Variants in POLA1 observed in about 807,000 individuals in gnomAD.
POLA1 encodes DNA polymerase alpha 1, catalytic subunit.
A neutral mutation model predicts 124.0 loss-of-function variants in POLA1; 15 were observed. The ratio of observed to expected loss-of-function variants is 0.12; its 90% CI spans 0.08 to 0.19. The LOEUF (loss-of-function observed/expected upper bound fraction) is 0.19, where lower values mean the gene tolerates loss of function less well. POLA1 is among the 10% of genes least tolerant of loss of function. The pLI, the probability that POLA1 is intolerant of heterozygous loss-of-function variation, is 1.00. For synonymous variants in POLA1, 408 were observed against 389.4 expected (o/e 1.05, Z -0.56); for missense variants, 886 against 1,103.4 (o/e 0.80, Z 2.79).
intron 36 of POLA1, among the ~76,000 whole-genome samples, chrX:24,943,968 A>G (rs966782387): frequency 2.7e-5 from 3 of 112,055 alleles, no homozygotes; most frequent in Admixed American, 1.9e-4. Flanking sequence ...ACAAGAGACA[A>G]TCAAAGACAC....
intron 26 of POLA1, among the ~76,000 whole-genome samples, chrX:24,774,890 G>C (rs949069171): frequency 8.9e-6 from 1 of 112,082 alleles, no homozygotes; most frequent in African/African-American, 3.2e-5. Flanking sequence ...TTAGTGACAC[G>C]TAGTATACAA....
intron 26 of POLA1, among the ~76,000 whole-genome samples, chrX:24,766,703 G>A (rs781072529): frequency 3.0e-4 from 33 of 111,737 alleles, no homozygotes; most frequent in Non-Finnish European, 6.2e-4. Context: ...TTTATCAGCT[G>A]TGGGCTCCTT....
chrX:24,833,495 G>T (rs975455807), intron 32 of POLA1, among the ~76,000 whole-genome samples: 2 of 111,867 alleles, frequency 1.8e-5, no homozygotes, highest in Admixed American at 1.9e-4. Flanking sequence ...CATAATGGTT[G>T]TACTAGTTTA....
chrX:24,704,899 T>G (rs1159191786), intron 4 of POLA1, among the ~76,000 whole-genome samples: 2 of 112,407 alleles, frequency 1.8e-5, no homozygotes, highest in South Asian at 3.6e-4. Flanking sequence ...AATTGAAATT[T>G]AAAATAATAT....
At chrX:24,873,499 A>G (rs1273996633) in intron 34 of POLA1, among the ~76,000 whole-genome samples, 1 of 112,056 alleles carries the variant, frequency 8.9e-6, no homozygotes, top group East Asian at 2.8e-4. Flanking sequence ...TTAGATTATT[A>G]CTATCATATA....
intron 35 of POLA1, among the ~76,000 whole-genome samples, chrX:24,918,059 A>G (rs1434197709): frequency 9.0e-6 from 1 of 110,617 alleles, no homozygotes; most frequent in Non-Finnish European, 1.9e-5. Flanking sequence ...ACTATTTTAT[A>G]TCTATTATCA....
chrX:24,987,706 A>G (rs2048494348), intron 36 of POLA1, among the ~76,000 whole-genome samples: 1 of 111,912 alleles, frequency 8.9e-6, no homozygotes, highest in African/African-American at 3.3e-5. Context: ...CCCTACCCGC[A>G]AACAAATACG....
rs1255967388 is a variant in POLA1, at chrX:24,838,202, T to C, written c.3737-3450T>C. ...CTATGATGTTACTTTCTATAAATAC[T>C]TCTTGAAACATGAGAGTTTTGATCC... On this transcript the variant is annotated intron_variant, in intron 32 of 36. Transcript: ENST00000379068. Among the ~76,000 whole-genome samples, 3 of 111,944 alleles carry C rather than the reference T, an allele frequency of 2.7e-5. No individual in the cohort carries two copies. The South Asian group carries it at 1.1e-3, about 42-fold the overall frequency.
At chrX:24,980,097 A>G (rs987461064) in intron 36 of POLA1, among the ~76,000 whole-genome samples, 4 of 109,885 alleles carry the variant, frequency 3.6e-5, no homozygotes, top group Non-Finnish European at 5.7e-5. Context: ...GAGATGGGGG[A>G]GAGAGAGAGA....
At chrX:24,842,748 A>C (rs2046424962) in intron 33 of POLA1, among the ~76,000 whole-genome samples, 1 of 111,643 alleles carries the variant, frequency 9.0e-6, no homozygotes, top group Non-Finnish European at 1.9e-5. Context: ...GCCGATGTCA[A>C]GCTCTGAAAT....
At chrX:24,764,668 G>C (rs1349534221) in intron 26 of POLA1, among the ~76,000 whole-genome samples, 2 of 111,996 alleles carry the variant, frequency 1.8e-5, no homozygotes, top group Non-Finnish European at 3.8e-5. Flanking sequence ...AAAGTAGTGG[G>C]TACAAAATGG....
intron 35 of POLA1, among the ~76,000 whole-genome samples, chrX:24,905,749 G>A (rs369715083): frequency 9.0e-6 from 1 of 111,049 alleles, no homozygotes; most frequent in South Asian, 3.8e-4. Context: ...TTTTAGTAGA[G>A]ACGGGGTTTT....
At chrX:24,883,054 T>A (rs748387646) in intron 34 of POLA1, among the ~76,000 whole-genome samples, 1 of 111,936 alleles carries the variant, frequency 8.9e-6, no homozygotes, top group South Asian at 3.8e-4. Flanking sequence ...CTGACTAGTG[T>A]GAGATGGTAT....
chrX:24,777,855 A>T (rs977283505), intron 26 of POLA1, among the ~76,000 whole-genome samples: 6 of 112,263 alleles, frequency 5.3e-5, no homozygotes, highest in African/African-American at 1.9e-4. Flanking sequence ...AAGTGTGGGC[A>T]GGTAATCACT....
intron 15 of POLA1, among the ~76,000 whole-genome samples, chrX:24,731,199 T>C (rs1930885544): frequency 9.0e-6 from 1 of 111,659 alleles, no homozygotes; most frequent in African/African-American, 3.3e-5. Flanking sequence ...TTATAGACAG[T>C]ATGGAGACAG....
intron 31 of POLA1, among the ~76,000 whole-genome samples, chrX:24,822,135 C>T (rs2046099352): frequency 9.1e-6 from 1 of 110,088 alleles, no homozygotes; most frequent in African/African-American, 3.3e-5. Context: ...TTCTGGAACA[C>T]AGTTTTAAGC....
At chrX:24,768,832 C>T (rs1053255717) in intron 26 of POLA1, among the ~76,000 whole-genome samples, 11 of 111,562 alleles carry the variant, frequency 9.9e-5, no homozygotes, top group African/African-American at 2.9e-4. Context: ...CCGGAAACAG[C>T]GCTTTATTCT....
intron 35 of POLA1, among the ~76,000 whole-genome samples, chrX:24,888,616 T>G (rs1260201840): frequency 2.0e-5 from 2 of 98,579 alleles, no homozygotes; most frequent in African/African-American, 3.8e-5. Context: ...TTTTTTTTTT[T>G]TTTTTTTTTT....
At chrX:24,952,648 TA>T (rs1358754345) in intron 36 of POLA1, among the ~76,000 whole-genome samples, 1 of 112,606 alleles carries the variant, frequency 8.9e-6, no homozygotes, top group African/African-American at 3.2e-5. Flanking sequence ...AATTAATAAG[TA>T]CCCTTTGTTA....
Sources: allele counts gnomAD v4.1 joint callset (sites outside exome capture counted in the v4.1 genomes callset), GRCh38; gene constraint gnomAD v4.1.1; transcripts MANE v1.5; gene names NCBI Gene and HGNC (gene_info 2026-07-23, HGNC 2026-07-21).